ELOVL7: variants seen among roughly 807,000 people sequenced by gnomAD.
ELOVL7 encodes the protein very long chain fatty acid elongase 7.
Under a neutral mutation model 35.7 loss-of-function variants are expected in ELOVL7, and 27 were observed. The observed-to-expected ratio is 0.76, with a 90% confidence interval of 0.56 to 1.04. The LOEUF is 1.04. Among genes scored for constraint, ELOVL7 ranks in the 50% least tolerant of loss-of-function variants. ELOVL7 has a pLI of 0.00. For missense variants in ELOVL7, 327 were observed against 340.8 expected, an observed-to-expected ratio of 0.96 and a Z score of 0.32; for synonymous variants, 113 against 114.6, an observed-to-expected ratio of 0.99 and a Z score of 0.09.
chr5:60,786,648 TCAAAAGAGTTGG>T (rs1256547684), intron 3 of ELOVL7, among the ~76,000 whole-genome samples: 3 of 152,044 alleles, frequency 2.0e-5, no homozygotes, highest in Non-Finnish European at 2.9e-5. Context: ...ACTCTTTCAT[TCAAAAGAGTTGG>T]CAGTGGCCGG....
chr5:60,837,168 T>A (rs942958533), intron 1 of ELOVL7, among the ~76,000 whole-genome samples: 3 of 150,982 alleles, frequency 2.0e-5, no homozygotes, highest in African/African-American at 7.4e-5. Context: ...GTGCAGTGTC[T>A]CACGCCTGTA....
rs910021361 is a variant in ELOVL7, at chr5:60,801,572, G to A, written c.-85-2342C>T. 2.6e-5 allele frequency among the ~76,000 whole-genome samples: 4 copies of A among 151,846 alleles called. 1 individual carries two copies. In the South Asian group the frequency reaches 6.2e-4, roughly 24 times the overall value. ...TAAAAAATTAGCCAGGCATGGTGGCGCACACCTGTGGATTCAGCTATACAG... is the reference window on the plus strand; with the variant it reads ...TAAAAAATTAGCCAGGCATGGTGGCACACACCTGTGGATTCAGCTATACAG... On this transcript the variant is annotated intron_variant, in intron 1 of 8. Coordinates refer to ENST00000508821, the MANE Select transcript of ELOVL7 (RefSeq NM_024930.3).
In ELOVL7 at chr5:60,767,900, C is replaced by T. The variant is rs199575400; in HGVS notation, c.259G>A (p.Val87Met). Residue 87 changes from valine to methionine, a missense_variant, in exon 5 of 9, where the codon GTG (valine) becomes ATG (methionine). By Grantham distance (21) the Val-to-Met change is conservative. Coordinates refer to ENST00000508821, the MANE Select transcript of ELOVL7 (RefSeq NM_024930.3). ...TAACCTATACCCCAGCCAGACATCA[C>T]AAACTGCAAGAGAGCACATGCATAT... ...LFSVYMCYEF[V>M]MSGWGIGYSF... 5.6e-6 allele frequency: 9 copies of T among 1,613,352 alleles called. No homozygotes were observed. Among genetic ancestry groups the T allele is most frequent in the Admixed American group, 1.7e-5 (1 of 60,018 alleles).
chr5:60,785,092 C>A (rs1743495921), intron 3 of ELOVL7, among the ~76,000 whole-genome samples: 1 of 152,150 alleles, frequency 6.6e-6, no homozygotes, highest in African/African-American at 2.4e-5. Flanking sequence ...TCCAGCTGGG[C>A]TACAGCAGTG....
rs754973632 is a variant in ELOVL7, at chr5:60,754,602, G to C, written c.*22C>G. 3.1e-6 allele frequency: 5 copies of C among 1,602,814 alleles called. No homozygotes were observed. In the South Asian group the frequency reaches 4.4e-5, roughly 14 times the overall value. On this transcript the variant is annotated 3_prime_UTR_variant, in exon 9 of 9. Coordinates refer to ENST00000508821, the MANE Select transcript of ELOVL7 (RefSeq NM_024930.3). ...TCAAGGAAGACAATGTATCAGTTTC[G>C]ATCATAGACTTATGTTGGGCTTCAA...
At chr5:60,835,105 A>C (rs1056952976) in intron 1 of ELOVL7, among the ~76,000 whole-genome samples, 2 of 151,382 alleles carry the variant, frequency 1.3e-5, no homozygotes, top group Non-Finnish European at 2.9e-5. Flanking sequence ...TGGGAGGATC[A>C]ATTGAGCCCG....
At chr5:60,771,235 G>A (rs1742569962) in intron 4 of ELOVL7, among the ~76,000 whole-genome samples, 1 of 152,168 alleles carries the variant, frequency 6.6e-6, no homozygotes, top group African/African-American at 2.4e-5. Context: ...ATACATGGGG[G>A]TGGCTGAGGC....
At chr5:60,788,573 G>A (rs950089489) in intron 2 of ELOVL7, among the ~76,000 whole-genome samples, 4 of 152,102 alleles carry the variant, frequency 2.6e-5, no homozygotes, top group African/African-American at 9.7e-5. Context: ...TCAGGAGTTG[G>A]AGACCAGCCT....
intron 1 of ELOVL7, among the ~76,000 whole-genome samples, chr5:60,801,497 T>G (rs922605762): frequency 2.0e-5 from 3 of 151,026 alleles, no homozygotes; most frequent in African/African-American, 7.3e-5. Context: ...AGCCCAGGAG[T>G]TGAAGACCAG....
At chr5:60,807,109 C>T (rs1345157469) in intron 1 of ELOVL7, among the ~76,000 whole-genome samples, 1 of 152,152 alleles carries the variant, frequency 6.6e-6, no homozygotes, top group African/African-American at 2.4e-5. Context: ...CCTGAGAAGC[C>T]TCACAAGTAA....
chr5:60,786,292 G>A (rs1377283955), intron 3 of ELOVL7, among the ~76,000 whole-genome samples: 4 of 151,848 alleles, frequency 2.6e-5, no homozygotes, highest in Non-Finnish European at 5.9e-5. Flanking sequence ...CTTTTGTTCT[G>A]CTTTTAAAAC....
intron 1 of ELOVL7, among the ~76,000 whole-genome samples, chr5:60,834,147 A>T (rs1006839701): frequency 4.7e-4 from 69 of 147,108 alleles, no homozygotes; most frequent in Middle Eastern, 3.6e-3. Flanking sequence ...GGTTCACATT[A>T]TTTTTTTTTT....
At chr5:60,835,695 G>A (rs778141160) in intron 1 of ELOVL7, among the ~76,000 whole-genome samples, 5 of 151,972 alleles carry the variant, frequency 3.3e-5, no homozygotes, top group African/African-American at 1.2e-4. Context: ...TTACAGGCGT[G>A]AGCCACTGCA....
chr5:60,784,677 G>C (rs1370308114), intron 3 of ELOVL7, among the ~76,000 whole-genome samples: 1 of 152,128 alleles, frequency 6.6e-6, no homozygotes, highest in East Asian at 1.9e-4. Flanking sequence ...GACATTTCCA[G>C]GGTAAGCAGA....
At chr5:60,806,593 A>T (rs1182849792) in intron 1 of ELOVL7, among the ~76,000 whole-genome samples, 1 of 152,212 alleles carries the variant, frequency 6.6e-6, no homozygotes, top group Non-Finnish European at 1.5e-5. Flanking sequence ...CTGCAAAAAA[A>T]GAAAAAGAAA....
chr5:60,767,954 C>T (rs1015393763), intron 4 of ELOVL7, 51 bp from the exon 5 acceptor site: 1 of 1,442,574 alleles, frequency 6.9e-7, no homozygotes. Context: ...TCCCAACAGC[C>T]ACAACAAAGG....
chr5:60,779,501 C>T (rs4353980), intron 3 of ELOVL7, among the ~76,000 whole-genome samples: 90,698 of 152,104 alleles, frequency 0.6, 28,320 homozygotes, highest in African/African-American at 0.76. Flanking sequence ...AGCTTGGGGC[C>T]TGCACCCTCT....
intron 3 of ELOVL7, among the ~76,000 whole-genome samples, chr5:60,780,411 C>G (rs537837072): frequency 2.6e-5 from 4 of 152,054 alleles, no homozygotes; most frequent in Non-Finnish European, 5.9e-5. Flanking sequence ...TGAGTCACGG[C>G]GCCCGGCCAA....
chr5:60,819,521 C>A (rs1745763130), intron 1 of ELOVL7, among the ~76,000 whole-genome samples: 1 of 152,078 alleles, frequency 6.6e-6, no homozygotes, highest in Non-Finnish European at 1.5e-5. Flanking sequence ...GTGGCTCATG[C>A]CTGTAATCCC....
Sources: gnomAD v4.1 joint callset for allele counts (sites outside exome capture counted in the v4.1 genomes callset) on GRCh38, gnomAD v4.1.1 for gene constraint, MANE v1.5 for transcripts, NCBI Gene and HGNC (gene_info 2026-07-23, HGNC 2026-07-21) for gene names.